Variants in CACNA1C observed in about 807,000 individuals in gnomAD.
CACNA1C encodes calcium voltage-gated channel subunit alpha1 C, also known as voltage-dependent L-type calcium channel subunit alpha-1C.
Under a neutral mutation model 229.0 loss-of-function variants are expected in CACNA1C, and 30 were observed. The observed-to-expected ratio is 0.13, with a 90% CI of 0.10 to 0.18. CACNA1C has a LOEUF of 0.18. Among genes scored for constraint, CACNA1C ranks in the 10% least tolerant of loss-of-function variants. The pLI is 1.00. For missense variants in CACNA1C, 1,658 were observed against 2,845.0 expected (o/e 0.58, Z 9.49); for synonymous variants, 1,114 against 1,132.5 (o/e 0.98, Z 0.33).
At chr12:2,377,468 C>T (rs781076193) in intron 3 of CACNA1C, among the ~76,000 whole-genome samples, 6 of 152,134 alleles carry the variant, frequency 3.9e-5, no homozygotes, top group African/African-American at 9.7e-5. Context: ...AGCCTTACAG[C>T]GGCTATCACA....
At chr12:2,284,489 A>C (rs2092287303) in intron 3 of CACNA1C, among the ~76,000 whole-genome samples, 1 of 152,196 alleles carries the variant, frequency 6.6e-6, no homozygotes, top group South Asian at 2.1e-4. Context: ...GGCGCAGCAC[A>C]GAACAGCCCT....
At chr12:1,981,771 A>G (rs1161057046) in intron 1 of CACNA1C, among the ~76,000 whole-genome samples, 1 of 152,240 alleles carries the variant, frequency 6.6e-6, no homozygotes, top group Non-Finnish European at 1.5e-5. Context: ...CAGGGGACTC[A>G]CAAAAACATC....
chr12:2,279,458 G>T (rs1601913498), intron 3 of CACNA1C, among the ~76,000 whole-genome samples: 2 of 152,290 alleles, frequency 1.3e-5, no homozygotes, highest in African/African-American at 2.4e-5. Flanking sequence ...TTTCTACAAA[G>T]AAAAGTGTTT....
chr12:2,427,449 C>A (rs941157702), intron 3 of CACNA1C, among the ~76,000 whole-genome samples: 2 of 152,032 alleles, frequency 1.3e-5, no homozygotes, highest in African/African-American at 4.8e-5. Flanking sequence ...TCAATAAAAT[C>A]TTGACTAGAG....
chr12:2,270,961 C>T (rs926417368), intron 3 of CACNA1C, among the ~76,000 whole-genome samples: 3 of 151,940 alleles, frequency 2.0e-5, no homozygotes, highest in Non-Finnish European at 4.4e-5. Flanking sequence ...CTAGACACTC[C>T]CTTTGCCGAG....
In CACNA1C at chr12:1,998,062, A is replaced by C. The variant is rs1027661197; in HGVS notation, c.139+26861A>C. On this transcript the variant is annotated intron_variant, in intron 1 of 46. Transcript: ENST00000682462. ...AACAAATTCTCATAGAATAGGAATT[A>C]TATATAACTTCAATGGGCCAAATAT... 4 of 1,240,402 alleles carry C rather than the reference A, an allele frequency of 3.2e-6. No homozygotes were observed. The Admixed American group carries it at 7.0e-5, about 22-fold the overall frequency. The allele number at this position is 1,240,402 out of a possible 1,614,324, so 76.8% of individuals were successfully genotyped here.
At chr12:2,372,663 A>T (rs1400141079) in intron 3 of CACNA1C, among the ~76,000 whole-genome samples, 1 of 151,994 alleles carries the variant, frequency 6.6e-6, no homozygotes, top group Non-Finnish European at 1.5e-5. Context: ...AAAGCAATGG[A>T]TCACTTTAAT....
At chr12:2,043,632 A>ACAGAATATT in intron 1 of CACNA1C, among the ~76,000 whole-genome samples, 1 of 151,018 alleles carries the variant, frequency 6.6e-6, no homozygotes, top group Admixed American at 6.6e-5. Context: ...GGAGAAGAAA[A>ACAGAATATT]CAGAATATTC....
In CACNA1C at chr12:2,585,751, A is replaced by G. The variant is rs1601158284; in HGVS notation, c.2461-84A>G. On this transcript the variant is annotated intron_variant, in intron 17 of 46. Coordinates refer to ENST00000399655, the MANE Select transcript of CACNA1C (RefSeq NM_000719.7). The surrounding 1 kb of genome is among the most constrained non-coding windows in gnomAD (Gnocchi z 4.1). ...ATTTTTGAGCTAAGTCACTGACTAA[A>G]ATGCAACTTCAAGGCTACTGCAAGC... 1.9e-6 allele frequency: 2 copies of G among 1,077,796 alleles called. No homozygotes were observed. Among genetic ancestry groups the G allele is most frequent in the South Asian group, 1.3e-5 (1 of 74,334 alleles). The allele number at this position is 1,077,796 out of a possible 1,614,324, so 66.8% of individuals were successfully genotyped here. A position where few individuals can be genotyped will look rare whatever the true frequency, so the allele number is the denominator to read the frequency against.
intron 1 of CACNA1C, among the ~76,000 whole-genome samples, chr12:1,979,458 C>T (rs1459726905): frequency 2.0e-5 from 3 of 151,818 alleles, no homozygotes; most frequent in Non-Finnish European, 4.4e-5. Context: ...ATCACAGGGG[C>T]CTGCCACCAT....
chr12:2,235,655 C>T (rs186134525), intron 3 of CACNA1C, among the ~76,000 whole-genome samples: 25 of 152,206 alleles, frequency 1.6e-4, no homozygotes, highest in African/African-American at 5.1e-4. Flanking sequence ...CAGTGTATTA[C>T]GCTTCAGGTT....
At chr12:2,049,057 CTTGT>C (rs1480918846), upstream of CACNA1C, 7 of 152,192 alleles carry the variant, frequency 4.6e-5, no homozygotes, top group African/African-American at 1.4e-4. Context: ...ATTTTCGTGA[CTTGT>C]TTTTCTTTTA....
intron 1 of CACNA1C, among the ~76,000 whole-genome samples, chr12:2,091,108 C>T (rs927144100): frequency 5.9e-5 from 9 of 152,342 alleles, no homozygotes; most frequent in African/African-American, 2.2e-4. Flanking sequence ...GATATCGGGA[C>T]TGGCTTGCTT....
At chr12:2,247,387 G>T (rs779409893) in intron 3 of CACNA1C, among the ~76,000 whole-genome samples, 1 of 152,178 alleles carries the variant, frequency 6.6e-6, no homozygotes, top group Non-Finnish European at 1.5e-5. Context: ...TTCCGGGTGG[G>T]TTTTAATTAG....
At chr12:2,279,882 T>A (rs2090441775) in intron 3 of CACNA1C, among the ~76,000 whole-genome samples, 1 of 152,248 alleles carries the variant, frequency 6.6e-6, no homozygotes, top group Non-Finnish European at 1.5e-5. Context: ...CCATTTTATA[T>A]AAGGGACATG....
intron 3 of CACNA1C, among the ~76,000 whole-genome samples, chr12:2,168,012 A>G (rs1384438867): frequency 1.3e-5 from 2 of 152,196 alleles, no homozygotes; most frequent in Non-Finnish European, 2.9e-5. Context: ...TTGGAAGCAA[A>G]ACTCCCACAA....
intron 3 of CACNA1C, among the ~76,000 whole-genome samples, chr12:2,120,656 C>CTCTG (rs367644903): frequency 2.9e-5 from 4 of 139,776 alleles, no homozygotes; most frequent in Admixed American, 1.4e-4. Flanking sequence ...GTGGTGAGCT[C>CTCTG]TGTGTGTGTG....
chr12:2,047,915 A>G (rs1176641404), intron 1 of CACNA1C, among the ~76,000 whole-genome samples: 1 of 152,224 alleles, frequency 6.6e-6, no homozygotes, highest in Non-Finnish European at 1.5e-5. Flanking sequence ...AGTGGAGCCC[A>G]CAAGGACAAA....
chr12:2,501,632 G>T (rs1221955750), intron 7 of CACNA1C, among the ~76,000 whole-genome samples: 1 of 152,264 alleles, frequency 6.6e-6, no homozygotes, highest in Non-Finnish European at 1.5e-5. Context: ...GGCAGCTCAT[G>T]TGGCTCTCAT....
Sources: allele counts gnomAD v4.1 joint callset (sites outside exome capture counted in the v4.1 genomes callset), GRCh38; gene constraint gnomAD v4.1.1; non-coding constraint Gnocchi (gnomAD v3.1); transcripts MANE v1.5; gene names NCBI Gene and HGNC (gene_info 2026-07-23, HGNC 2026-07-21).